Variants in JARID2 observed in about 807,000 individuals in gnomAD.
The protein encoded by JARID2 is jumonji and AT-rich interaction domain containing 2, also known as protein Jumonji.
A neutral mutation model predicts 125.6 loss-of-function variants in JARID2; 21 were observed. That is an observed-to-expected ratio of 0.17 (90% CI 0.12 to 0.24). The LOEUF (loss-of-function observed/expected upper bound fraction) is 0.24, where lower values mean the gene tolerates loss of function less well. Among genes scored for constraint, JARID2 ranks in the 10% least tolerant of loss-of-function variants. The pLI is 1.00. For missense variants in JARID2, 1,303 were observed against 1,639.6 expected (o/e 0.79, Z 3.55); for synonymous variants, 736 against 661.6 (o/e 1.11, Z -1.73).
chr6:15,428,248 T>C (rs1383327235), intron 3 of JARID2, among the ~76,000 whole-genome samples: 1 of 149,292 alleles, frequency 6.7e-6, no homozygotes, highest in African/African-American at 2.5e-5. Flanking sequence ...TTTGCAATGA[T>C]AGAATCTTCT....
intron 4 of JARID2, among the ~76,000 whole-genome samples, chr6:15,464,390 ATGGACAGGTATGAGG>A (rs1426387032): frequency 6.6e-6 from 1 of 152,180 alleles, no homozygotes; most frequent in East Asian, 1.9e-4. Context: ...CGTTGATGAG[ATGGACAGGTATGAGG>A]GTGCCCGACC....
In JARID2 at chr6:15,428,880, T is replaced by TG. The variant is rs540349435; in HGVS notation, c.323+18520dup. On this transcript the variant is annotated intron_variant, in intron 3 of 17. Transcript: ENST00000341776. ...GAGATAGCACCACTGCACTCCAACC[T>TG]GGGGGACACAGCGAGACTCTGTCTC... 2.4e-3 allele frequency among the ~76,000 whole-genome samples: 326 copies of TG among 136,222 alleles called. 1 individual carries two copies. Among genetic ancestry groups the TG allele is most frequent in the African/African-American group, 8.4e-3 (297 of 35,522 alleles). The allele number at this position is 136,222 out of a possible 152,430, so 89.4% of individuals were successfully genotyped here.
chr6:15,359,812 G>A (rs1581453724), intron 1 of JARID2, among the ~76,000 whole-genome samples: 1 of 151,704 alleles, frequency 6.6e-6, no homozygotes, highest in Non-Finnish European at 1.5e-5. Context: ...TCGGCGTCCT[G>A]AGTAGCTGGG....
chr6:15,315,329 T>C (rs1021040011), intron 1 of JARID2, among the ~76,000 whole-genome samples: 2 of 152,170 alleles, frequency 1.3e-5, no homozygotes, highest in Non-Finnish European at 2.9e-5. Context: ...GAGATGTCCC[T>C]TTAGAATGCT....
At chr6:15,393,467 G>A (rs1225817117) in intron 2 of JARID2, among the ~76,000 whole-genome samples, 1 of 152,174 alleles carries the variant, frequency 6.6e-6, no homozygotes, top group East Asian at 1.9e-4. Context: ...CTTCTGTGCT[G>A]TTGACACAGC....
At chr6:15,519,722 C>T (rs1771740242) in intron 17 of JARID2, among the ~76,000 whole-genome samples, 1 of 152,174 alleles carries the variant, frequency 6.6e-6, no homozygotes, top group African/African-American at 2.4e-5. Context: ...GTATTTGTGT[C>T]ACCATCCAGG....
At chr6:15,286,547 G>A (rs1296131808) in intron 1 of JARID2, among the ~76,000 whole-genome samples, 1 of 151,574 alleles carries the variant, frequency 6.6e-6, no homozygotes, top group Non-Finnish European at 1.5e-5. Flanking sequence ...ACAGTGCCCG[G>A]CTCATTGCAG....
chr6:15,307,671 A>G lies in JARID2; in HGVS notation c.45+61087A>G, dbSNP rs565388505. 2.6e-5 allele frequency among the ~76,000 whole-genome samples: 4 copies of G among 152,204 alleles called. No individual in the cohort carries two copies. The South Asian group carries it at 6.2e-4, about 24-fold the overall frequency. ...TTTTCTTCTCTGATGACTTACCTCT[A>G]TTGAAAACTTTGTAGTCTGTGGGGA... is the stretch of plus-strand genomic sequence containing the variant. On this transcript the variant is annotated intron_variant, in intron 1 of 17. Coordinates refer to ENST00000341776, the MANE Select transcript of JARID2 (RefSeq NM_004973.4).
chr6:15,487,935 T>G (rs1214476503), intron 6 of JARID2, among the ~76,000 whole-genome samples: 1 of 152,174 alleles, frequency 6.6e-6, no homozygotes. Context: ...GGTCTACTTT[T>G]CTGTTCTTTT....
At chr6:15,503,874 A>T (rs1415336287) in intron 8 of JARID2, among the ~76,000 whole-genome samples, 2 of 152,228 alleles carry the variant, frequency 1.3e-5, no homozygotes, top group East Asian at 3.8e-4. Flanking sequence ...CAAGCAAATC[A>T]TTCTGGAAGT....
At chr6:15,472,224 T>C (rs1025148782) in intron 5 of JARID2, among the ~76,000 whole-genome samples, 1 of 152,060 alleles carries the variant, frequency 6.6e-6, no homozygotes, top group Non-Finnish European at 1.5e-5. Context: ...TACTGCTGTT[T>C]CTGAGTTGTG....
chr6:15,318,017 A>T (rs1471523020), intron 1 of JARID2, among the ~76,000 whole-genome samples: 23 of 152,136 alleles, frequency 1.5e-4, no homozygotes, highest in Admixed American at 1.5e-3. Context: ...CTAGGTTTTG[A>T]GTTTGCTCCA....
At chr6:15,515,279 C>T (rs921377666) in intron 16 of JARID2, among the ~76,000 whole-genome samples, 1 of 152,078 alleles carries the variant, frequency 6.6e-6, no homozygotes, top group African/African-American at 2.4e-5. Context: ...CCCAGAGCCC[C>T]AGGATTATAG....
Position 15,520,226 on chromosome 6 carries a change from C to G in JARID2, c.3716C>G (p.Ser1239Cys), listed in dbSNP as rs146408706. ...TCCCGTCTGTCAGCCTCCAGTTCAT[C>G]CAAAAGTGCTTCGAGCTCATCATGA... ...PPSRLSASSS[S>C]KSASSSS The change falls in exon 18 of 18, where the codon TCC (serine) becomes TGC (cysteine). Residue 1239 changes from serine (S) to cysteine (C), a missense_variant. Coordinates refer to ENST00000341776, the MANE Select transcript of JARID2 (RefSeq NM_004973.4). The G allele has an allele frequency of 6.2e-7, 1 of 1,611,116 alleles. No homozygotes were observed. The highest frequency in any genetic ancestry group is 2.2e-5 in the East Asian group (1 of 44,666).
intron 5 of JARID2, among the ~76,000 whole-genome samples, chr6:15,485,992 A>G (rs996783899): frequency 6.6e-6 from 1 of 152,202 alleles, no homozygotes; most frequent in African/African-American, 2.4e-5. Context: ...AGGGAATTCT[A>G]CCTGAAGTTC....
chr6:15,252,247 C>CA (rs1459245362), intron 1 of JARID2, among the ~76,000 whole-genome samples: 2 of 151,706 alleles, frequency 1.3e-5, no homozygotes, highest in Non-Finnish European at 2.9e-5. Context: ...GGCCTCATAT[C>CA]AAAAAAACCG....
chr6:15,426,833 A>T (rs962947599), intron 3 of JARID2, among the ~76,000 whole-genome samples: 3 of 152,200 alleles, frequency 2.0e-5, no homozygotes, highest in African/African-American at 7.2e-5. Flanking sequence ...CATCAGTGCC[A>T]TTTTATGGTT....
intron 5 of JARID2, among the ~76,000 whole-genome samples, chr6:15,474,550 G>A (rs1447848724): frequency 6.7e-6 from 1 of 149,858 alleles, no homozygotes; most frequent in Admixed American, 6.7e-5. Context: ...TTCTACTTCT[G>A]TGAAATCAGC....
intron 2 of JARID2, among the ~76,000 whole-genome samples, chr6:15,388,061 A>G (rs1376610107): frequency 2.0e-5 from 3 of 152,278 alleles, no homozygotes; most frequent in Admixed American, 6.5e-5. Flanking sequence ...TCTTTCTTAT[A>G]GAGTGATATT....
Sources: allele counts gnomAD v4.1 joint callset (sites outside exome capture counted in the v4.1 genomes callset), GRCh38; gene constraint gnomAD v4.1.1; transcripts MANE v1.5; gene names NCBI Gene and HGNC (gene_info 2026-07-23, HGNC 2026-07-21).